Variants in DNAH7 observed in about 807,000 individuals in gnomAD.
DNAH7 encodes axonemal beta dynein heavy chain 7.
Under a neutral mutation model 444.6 loss-of-function variants are expected in DNAH7, and 397 were observed. The ratio of observed to expected loss-of-function variants is 0.89; its 90% CI spans 0.82 to 0.97. The LOEUF is 0.97. Ranked by LOEUF, DNAH7 falls within the 50% of genes least tolerant of loss-of-function variation. DNAH7 has a pLI of 0.00. For synonymous variants in DNAH7, 1,636 were observed against 1,624.4 expected (o/e 1.01, Z -0.17); for missense variants, 4,902 against 4,800.8 (o/e 1.02, Z -0.62).
rs768474569 is a variant in DNAH7, at chr2:195,875,818, A to G, written c.6143T>C (p.Met2048Thr). 1 of 1,606,678 alleles carries G rather than the reference A, an allele frequency of 6.2e-7. No homozygotes were observed. Among genetic ancestry groups the G allele is most frequent in the South Asian group, 1.1e-5 (1 of 89,094 alleles). The change falls in exon 38 of 65, where the codon ATG becomes ACG. Residue 2048 changes from methionine (M) to threonine (T), a missense_variant. Met to Thr is a moderately conservative substitution (Grantham distance 81). Coordinates refer to ENST00000312428, the MANE Select transcript of DNAH7 (RefSeq NM_018897.3). ...AGCCCCATATACCTCCCGAGCAGGC[A>G]TATTGACATCATCTACAAAGACAAC... ...RMVVFVDDVN[M>T]PAREVYGAQP... is the part of the protein sequence containing the mutation.
intron 61 of DNAH7, among the ~76,000 whole-genome samples, chr2:195,766,357 C>T (rs1005863549): frequency 4.6e-5 from 7 of 151,066 alleles, no homozygotes; most frequent in African/African-American, 1.7e-4. Flanking sequence ...TTAGTAGAGA[C>T]GGGTTTCGCC....
chr2:195,959,052 C>T (rs1388396125), intron 18 of DNAH7, among the ~76,000 whole-genome samples: 1 of 151,894 alleles, frequency 6.6e-6, no homozygotes, highest in Non-Finnish European at 1.5e-5. Flanking sequence ...CAGAGCAAGA[C>T]TCCATCTCAA....
intron 19 of DNAH7, among the ~76,000 whole-genome samples, chr2:195,948,175 T>C (rs34495281): frequency 3.9e-5 from 6 of 152,218 alleles, no homozygotes; most frequent in Non-Finnish European, 7.3e-5. Flanking sequence ...AAGTTCATTG[T>C]AGATTCTGGA....
intron 51 of DNAH7, among the ~76,000 whole-genome samples, chr2:195,810,993 G>A (rs546531524): frequency 6.6e-6 from 1 of 152,102 alleles, no homozygotes; most frequent in Non-Finnish European, 1.5e-5. Context: ...TCTTCTTGTA[G>A]ACAGAAAGAT....
At chr2:196,032,518 A>G (rs1696122054) in intron 5 of DNAH7, among the ~76,000 whole-genome samples, 1 of 152,218 alleles carries the variant, frequency 6.6e-6, no homozygotes, top group Non-Finnish European at 1.5e-5. Flanking sequence ...TTCTGCCAAC[A>G]AATTACATAA....
At chr2:195,835,354 G>C (rs192031103) in intron 47 of DNAH7, among the ~76,000 whole-genome samples, 2 of 142,958 alleles carry the variant, frequency 1.4e-5, no homozygotes, top group East Asian at 4.0e-4. Context: ...TAGAAGAGCA[G>C]GAGGAGAAAA....
chr2:195,945,479 G>C (rs1689736980), intron 19 of DNAH7, among the ~76,000 whole-genome samples: 1 of 152,146 alleles, frequency 6.6e-6, no homozygotes, highest in Non-Finnish European at 1.5e-5. Context: ...GATCTTCCTT[G>C]ACAGCAGAAA....
chr2:195,774,025 A>T (rs1145938), intron 60 of DNAH7, among the ~76,000 whole-genome samples: 109,215 of 152,168 alleles, frequency 0.72, 39,393 homozygotes, highest in African/African-American at 0.77. Context: ...GCTCACCCAT[A>T]ACTATAATTG....
At chr2:195,832,351 C>A (rs984273740) in intron 48 of DNAH7, among the ~76,000 whole-genome samples, 1 of 152,004 alleles carries the variant, frequency 6.6e-6, no homozygotes, top group Non-Finnish European at 1.5e-5. Context: ...TTGTCTTTTA[C>A]TATGTCAAGG....
At chr2:195,775,815 T>G (rs1179810918) in intron 60 of DNAH7, 31 bp downstream of exon 60, 1 of 1,601,626 alleles carries the variant, frequency 6.2e-7, no homozygotes, top group East Asian at 2.2e-5. Flanking sequence ...TTCCCAGGCC[T>G]CAGAATCCAG....
intron 48 of DNAH7, among the ~76,000 whole-genome samples, chr2:195,830,710 G>A (rs1698025730): frequency 6.6e-6 from 1 of 152,208 alleles, no homozygotes; most frequent in African/African-American, 2.4e-5. Context: ...CAGATGGATG[G>A]AAGAGCAAAA....
intron 9 of DNAH7, among the ~76,000 whole-genome samples, chr2:196,015,134 G>A (rs1246706379): frequency 6.6e-6 from 1 of 151,940 alleles, no homozygotes; most frequent in Non-Finnish European, 1.5e-5. Context: ...ATTATGATAG[G>A]TATGGCTAGG....
chr2:195,775,384 AC>A (rs1184678295), intron 60 of DNAH7, among the ~76,000 whole-genome samples: 5 of 152,218 alleles, frequency 3.3e-5, no homozygotes, highest in Non-Finnish European at 5.9e-5. Context: ...TGTGAATGAA[AC>A]TGTGTCCATG....
At chr2:195,940,011 A>G (rs932457973) in intron 19 of DNAH7, among the ~76,000 whole-genome samples, 19 of 152,170 alleles carry the variant, frequency 1.2e-4, no homozygotes, top group Admixed American at 6.6e-5. Context: ...TTGCAGAATT[A>G]GAAGAAACTA....
At chr2:195,914,254 G>C (rs1687534330) in intron 24 of DNAH7, among the ~76,000 whole-genome samples, 1 of 152,186 alleles carries the variant, frequency 6.6e-6, no homozygotes, top group Admixed American at 6.5e-5. Flanking sequence ...AAAGTATGTG[G>C]TATATAGTAG....
chr2:195,921,113 G>A (rs529266560), intron 24 of DNAH7, among the ~76,000 whole-genome samples: 30 of 152,276 alleles, frequency 2.0e-4, no homozygotes, highest in African/African-American at 7.0e-4. Context: ...ATCACTGGTA[G>A]GAATGTAAAC....
intron 61 of DNAH7, among the ~76,000 whole-genome samples, chr2:195,758,691 A>T (rs925954214): frequency 3.3e-5 from 5 of 152,056 alleles, no homozygotes; most frequent in African/African-American, 1.2e-4. Flanking sequence ...CTCCTCCATC[A>T]CCCGGCAGTG....
intron 12 of DNAH7, among the ~76,000 whole-genome samples, chr2:195,990,475 C>T (rs1367226258): frequency 6.6e-6 from 1 of 151,900 alleles, no homozygotes. Context: ...CCAGCCTGAG[C>T]AATATGGCAA....
chr2:195,760,759 C>T lies in DNAH7; in HGVS notation c.11434-4474G>A, dbSNP rs544744107. 1.6e-3 allele frequency among the ~76,000 whole-genome samples: 246 copies of T among 152,102 alleles called. 2 individuals carry two copies. Among genetic ancestry groups the T allele is most frequent in the Non-Finnish European group, 2.8e-3 (191 of 67,976 alleles). On this transcript the variant is annotated intron_variant, in intron 61 of 64. Coordinates refer to ENST00000312428, the MANE Select transcript of DNAH7 (RefSeq NM_018897.3). ...CTAAAGCAGATACAGCTGCAGTGAC[C>T]AAAAACTTAGATCACAACATCCAAG...
Sources: allele counts gnomAD v4.1 joint callset (sites outside exome capture counted in the v4.1 genomes callset), GRCh38; gene constraint gnomAD v4.1.1; transcripts MANE v1.5; gene names NCBI Gene and HGNC (gene_info 2026-07-23, HGNC 2026-07-21).